The following ZNF420 variants were observed in gnomAD, a reference collection of about 807,000 sequenced individuals.
ZNF420 encodes zinc finger protein 420.
Under a neutral mutation model 44.7 loss-of-function variants are expected in ZNF420, and 31 were observed. That is an observed-to-expected ratio of 0.69 (90% confidence interval 0.52 to 0.94). ZNF420 has a LOEUF of 0.94. Ranked by LOEUF, ZNF420 falls within the 40% of genes least tolerant of loss-of-function variation. The probability of loss-of-function intolerance (pLI) is 0.00; values close to 1 mark genes in which losing one functional copy is unlikely to be tolerated. For missense variants in ZNF420, 681 were observed against 827.9 expected, an observed-to-expected ratio of 0.82 and a Z score of 2.18; for synonymous variants, 245 against 267.4, an observed-to-expected ratio of 0.92 and a Z score of 0.82.
intron 1 of ZNF420, among the ~76,000 whole-genome samples, chr19:37,079,056 A>G (rs1196928657): frequency 6.6e-6 from 1 of 151,922 alleles, no homozygotes; most frequent in African/African-American, 2.4e-5. Flanking sequence ...ATTGTGTGTG[A>G]CTGTGGGGTT....
chr19:37,069,315 T>C (rs538798405), intron 1 of ZNF420, among the ~76,000 whole-genome samples: 1 of 152,260 alleles, frequency 6.6e-6, no homozygotes, highest in African/African-American at 2.4e-5. Context: ...GAAAGACCTA[T>C]ATAGTTAAGA....
Position 37,127,266 on chromosome 19 carries a change from C to T in ZNF420, c.275C>T (p.Ala92Val). 1 of 1,613,480 alleles carries T rather than the reference C, an allele frequency of 6.2e-7. No homozygotes were observed. Among genetic ancestry groups the T allele is most frequent in the Non-Finnish European group, 8.5e-7 (1 of 1,179,772 alleles). ...TCCAATTCCAGGGATTATTTGGAAG[C>T]CAAAGGCAAGATGGAGAAGCAACAA... The part of the protein sequence containing the change: ...EESNSRDYLE[A>V]KGKMEKQQEN... The change falls in exon 5 of 5, where the codon GCC becomes GTC. Residue 92 changes from alanine to valine, a missense_variant. By Grantham distance (64) the Ala-to-Val change is moderately conservative. Around this residue, in one of 3 missense-constraint regions of ZNF420, gnomAD observed 350 missense variants for 382.5 expected, o/e 0.92. Coordinates refer to ENST00000337995, the MANE Select transcript of ZNF420 (RefSeq NM_144689.5).
In ZNF420 at chr19:37,128,708, C is replaced by T. The variant is rs758350127; in HGVS notation, c.1717C>T (p.Gln573Ter). 6.2e-7 allele frequency: 1 copy of T among 1,613,822 alleles called. No individual in the cohort carries two copies. The highest frequency in any genetic ancestry group is 1.3e-5 in the African/African-American group (1 of 74,848). ...ECGKAFIRGS[Q>*]LTQHQRIHTG... The stretch of plus-strand genomic sequence containing the variant: ...TGGGAAAGCCTTTATTCGTGGTTCA[C>T]AGTTGACTCAACATCAGCGAATTCA... Residue 573 changes from glutamine to a stop codon, truncating the protein, a stop_gained, in exon 5 of 5, where the codon CAG (glutamine) becomes TAG (stop). Coordinates refer to ENST00000337995, the MANE Select transcript of ZNF420 (RefSeq NM_144689.5). LOFTEE classifies it high-confidence loss of function.
In ZNF420 at chr19:37,127,673, T is replaced by C. The variant is rs1652903876; in HGVS notation, c.682T>C (p.Cys228Arg). The C allele has an allele frequency of 1.2e-6, 2 of 1,613,974 alleles. No homozygotes were observed. The highest frequency in any genetic ancestry group is 1.7e-6 in the Non-Finnish European group (2 of 1,179,896). The change falls in exon 5 of 5, where the codon TGT becomes CGT. Residue 228 changes from cysteine (C) to arginine (R), a missense_variant. Coordinates refer to ENST00000337995, the MANE Select transcript of ZNF420 (RefSeq NM_144689.5). ...TGEKPYKCEECGKAFIRSSQL... is the reference protein window; with the variant it reads ...TGEKPYKCEERGKAFIRSSQL... ...TGAAAAACCATATAAATGTGAAGAA[T>C]GTGGGAAAGCCTTTATTCGTAGCTC...
chr19:37,057,764 A>T (rs1341655208), intron 1 of ZNF420, among the ~76,000 whole-genome samples: 1 of 152,128 alleles, frequency 6.6e-6, no homozygotes, highest in East Asian at 1.9e-4. Context: ...TCTAGAATCA[A>T]GATGACCACA....
chr19:37,109,056 C>T (rs987717727), intron 4 of ZNF420, among the ~76,000 whole-genome samples: 8 of 152,258 alleles, frequency 5.3e-5, no homozygotes, highest in Middle Eastern at 3.4e-3. Flanking sequence ...AGTGACATTC[C>T]GCTTACCATG....
At chr19:37,066,053 C>T (rs561959089) in intron 1 of ZNF420, among the ~76,000 whole-genome samples, 1 of 152,246 alleles carries the variant, frequency 6.6e-6, no homozygotes, top group East Asian at 1.9e-4. Flanking sequence ...TGTTAAGTCA[C>T]AGAAAGCAAA....
chr19:37,063,916 C>G (rs1290961813), intron 1 of ZNF420, among the ~76,000 whole-genome samples: 1 of 152,182 alleles, frequency 6.6e-6, no homozygotes, highest in Admixed American at 6.5e-5. Context: ...TGTCATGTCT[C>G]TTTAATCTCC....
At chr19:37,124,808 C>T (rs574218007) in intron 4 of ZNF420, among the ~76,000 whole-genome samples, 161 of 152,168 alleles carry the variant, frequency 1.1e-3, no homozygotes, top group African/African-American at 3.8e-3. Flanking sequence ...ATTGGGATTA[C>T]AGGCACCTGC....
chr19:37,128,463 C>T lies in ZNF420; in HGVS notation c.1472C>T (p.Thr491Ile), dbSNP rs1228004340. 6.2e-7 allele frequency: 1 copy of T among 1,613,984 alleles called. No individual in the cohort carries two copies. Among genetic ancestry groups the T allele is most frequent in the African/African-American group, 1.3e-5 (1 of 74,918 alleles). Residue 491 changes from threonine to isoleucine, a missense_variant, in exon 5 of 5, where the codon ACT becomes ATT. Thr to Ile is a moderately conservative substitution (Grantham distance 89). Around this residue, in one of 3 missense-constraint regions of ZNF420, gnomAD observed 280 missense variants for 338.6 expected, o/e 0.83. Transcript: ENST00000337995. ...TCTTTTATTCGTGGTTCCCAGCTTA[C>T]TCAACATCAGAGAATCCATACTGGT... ...GKSFIRGSQL[T>I]QHQRIHTGEK...
intron 4 of ZNF420, chr19:37,108,419 C>CA (rs1422098829): frequency 2.6e-5 from 4 of 152,298 alleles, no homozygotes; most frequent in African/African-American, 9.6e-5. Flanking sequence ...TGCAAGTAAA[C>CA]AATCTGCAAT....
upstream of ZNF420, among the ~76,000 whole-genome samples, chr19:37,073,986 AAAGAGG>A (rs1253349160): frequency 2.0e-5 from 3 of 152,100 alleles, no homozygotes; most frequent in African/African-American, 7.2e-5. Flanking sequence ...GAGAAAAAAT[AAAGAGG>A]TATAGAGGGA....
At chr19:37,054,158 C>A (rs1405921696) in intron 1 of ZNF420, among the ~76,000 whole-genome samples, 1 of 152,222 alleles carries the variant, frequency 6.6e-6, no homozygotes, top group Non-Finnish European at 1.5e-5. Flanking sequence ...CCCTCTGAGC[C>A]AGGCATGGGA....
intron 1 of ZNF420, among the ~76,000 whole-genome samples, chr19:37,027,074 A>C (rs1462339684): frequency 6.6e-6 from 1 of 152,254 alleles, no homozygotes; most frequent in Non-Finnish European, 1.5e-5. Flanking sequence ...CAAATTATTT[A>C]ATATTCAACA....
chr19:37,102,199 G>A (rs577156422), intron 4 of ZNF420, among the ~76,000 whole-genome samples: 32 of 152,310 alleles, frequency 2.1e-4, no homozygotes, highest in African/African-American at 6.7e-4. Flanking sequence ...TACACGGAGG[G>A]GATAGTTCTC....
intron 4 of ZNF420, among the ~76,000 whole-genome samples, chr19:37,105,275 T>C (rs1484803958): frequency 6.6e-6 from 1 of 152,236 alleles, no homozygotes; most frequent in Non-Finnish European, 1.5e-5. Flanking sequence ...CCATTTCTTG[T>C]TTTTGTCAGG....
intron 4 of ZNF420, among the ~76,000 whole-genome samples, chr19:37,110,872 T>C (rs907117536): frequency 6.6e-6 from 1 of 152,176 alleles, no homozygotes; most frequent in African/African-American, 2.4e-5. Context: ...GTAGTCAATT[T>C]TAAAAACTGG....
intron 1 of ZNF420, among the ~76,000 whole-genome samples, chr19:37,027,570 T>C (rs1382378743): frequency 2.0e-5 from 3 of 152,246 alleles, no homozygotes. Context: ...GTGCTCCACC[T>C]ATTCATCCTT....
chr19:37,113,097 T>G (rs1380808674), intron 4 of ZNF420, among the ~76,000 whole-genome samples: 1 of 152,190 alleles, frequency 6.6e-6, no homozygotes, highest in African/African-American at 2.4e-5. Context: ...TGCCCCAGTT[T>G]GTTGCGGGGC....
Sources: gnomAD v4.1 joint callset for allele counts (sites outside exome capture counted in the v4.1 genomes callset) on GRCh38, gnomAD v4.1.1 for gene constraint, gnomAD v4.1.1 regional missense constraint, MANE v1.5 for transcripts, NCBI Gene and HGNC (gene_info 2026-07-23, HGNC 2026-07-21) for gene names.